Variants in SGCZ observed in about 807,000 individuals in gnomAD.
SGCZ encodes zeta-sarcoglycan.
A neutral mutation model predicts 41.3 loss-of-function variants in SGCZ; 40 were observed. That is an observed-to-expected ratio of 0.97 (90% CI 0.75 to 1.26). The LOEUF (loss-of-function observed/expected upper bound fraction) is 1.26, where lower values mean the gene tolerates loss of function less well. Ranked by LOEUF, SGCZ falls within the 50% of genes most tolerant of loss-of-function variation. The pLI is 0.00. For missense variants in SGCZ, 552 were observed against 369.8 expected (o/e 1.49, Z -4.04); for synonymous variants, 206 against 137.5 (o/e 1.50, Z -3.49).
chr8:15,109,620 T>C (rs1806969208), intron 1 of SGCZ, among the ~76,000 whole-genome samples: 2 of 152,140 alleles, frequency 1.3e-5, no homozygotes, highest in Non-Finnish European at 2.9e-5. Context: ...AAATCTAAGT[T>C]GGTTAAACTT....
At chr8:15,111,463 G>A (rs896491376) in intron 1 of SGCZ, among the ~76,000 whole-genome samples, 15 of 152,100 alleles carry the variant, frequency 9.9e-5, no homozygotes, top group African/African-American at 2.9e-4. Flanking sequence ...CTCAAGCCAC[G>A]GGCCAAATCC....
chr8:15,164,987 G>A (rs777942814), intron 1 of SGCZ, among the ~76,000 whole-genome samples: 1 of 152,064 alleles, frequency 6.6e-6, no homozygotes, highest in Non-Finnish European at 1.5e-5. Flanking sequence ...ACTGTGTGAT[G>A]TGTGTCAAAA....
At position 14,088,199 on chromosome 8, in the gene SGCZ, G is replaced by C. The variant is rs1420091437; in HGVS notation, c.*2244C>G. 6.6e-6 allele frequency among the ~76,000 whole-genome samples: 1 copy of C among 151,528 alleles called. No individual in the cohort carries two copies. Among genetic ancestry groups the C allele is most frequent in the Non-Finnish European group, 1.5e-5 (1 of 67,746 alleles). On this transcript the variant is annotated 3_prime_UTR_variant, in exon 8 of 8. Transcript: ENST00000382080. ...AAATTAGAACATGTTGGAACAGAAA[G>C]GAACCCCAAGAGACTATTTTATTCA... is the stretch of plus-strand genomic sequence containing the variant.
chr8:15,201,868 G>C (rs1455129413), intron 1 of SGCZ, among the ~76,000 whole-genome samples: 1 of 152,120 alleles, frequency 6.6e-6, no homozygotes, highest in Non-Finnish European at 1.5e-5. Context: ...AAGAAAGAGT[G>C]ACTATCTATA....
intron 2 of SGCZ, among the ~76,000 whole-genome samples, chr8:14,427,251 A>G (rs1411298015): frequency 6.6e-6 from 1 of 152,156 alleles, no homozygotes; most frequent in Non-Finnish European, 1.5e-5. Context: ...TAGTACATGG[A>G]TGAGGAAATA....
intron 1 of SGCZ, among the ~76,000 whole-genome samples, chr8:14,955,658 A>G (rs890420529): frequency 3.9e-5 from 6 of 152,218 alleles, no homozygotes; most frequent in Non-Finnish European, 8.8e-5. Flanking sequence ...TTGATTTTCA[A>G]ATATTTAATT....
At chr8:14,741,137 T>A (rs748755590) in intron 1 of SGCZ, among the ~76,000 whole-genome samples, 31 of 152,056 alleles carry the variant, frequency 2.0e-4, no homozygotes, top group Non-Finnish European at 3.4e-4. Context: ...CTAAAGCTTG[T>A]GTATTTAACT....
intron 1 of SGCZ, among the ~76,000 whole-genome samples, chr8:14,956,746 G>T (rs1800806166): frequency 6.6e-6 from 1 of 152,120 alleles, no homozygotes; most frequent in South Asian, 2.1e-4. Flanking sequence ...TTTGTTGTTT[G>T]TAAAATATTT....
intron 1 of SGCZ, among the ~76,000 whole-genome samples, chr8:15,156,870 A>G (rs1192271035): frequency 6.6e-6 from 1 of 151,274 alleles, no homozygotes; most frequent in Admixed American, 6.6e-5. Flanking sequence ...GCTTGAACCC[A>G]GGAGACGGAG....
chr8:14,790,359 G>A (rs930017249), intron 1 of SGCZ, among the ~76,000 whole-genome samples: 3 of 152,134 alleles, frequency 2.0e-5, no homozygotes, highest in Admixed American at 2.0e-4. Context: ...CAATAATCTT[G>A]TCAATGAAAC....
intron 3 of SGCZ, among the ~76,000 whole-genome samples, chr8:14,278,259 T>A (rs1800302896): frequency 6.6e-6 from 1 of 152,200 alleles, no homozygotes; most frequent in Admixed American, 6.5e-5. Context: ...TCTTTGAGTG[T>A]CACATTTGTG....
intron 1 of SGCZ, among the ~76,000 whole-genome samples, chr8:14,784,985 ATAT>A (rs1362839162): frequency 2.8e-5 from 4 of 142,254 alleles, no homozygotes; most frequent in African/African-American, 1.0e-4. Context: ...TATTTTTTAT[ATAT>A]TATATATATA....
chr8:14,478,205 G>T (rs1278288676), intron 2 of SGCZ, among the ~76,000 whole-genome samples: 1 of 152,218 alleles, frequency 6.6e-6, no homozygotes, highest in East Asian at 1.9e-4. Context: ...TATACCCAAT[G>T]AAGTTAAAAA....
At chr8:14,346,034 C>T (rs1187937355) in intron 2 of SGCZ, among the ~76,000 whole-genome samples, 2 of 151,932 alleles carry the variant, frequency 1.3e-5, no homozygotes, top group Non-Finnish European at 2.9e-5. Flanking sequence ...TGTCAAACCC[C>T]CTAGAATATA....
intron 1 of SGCZ, among the ~76,000 whole-genome samples, chr8:15,077,405 A>G (rs1029700854): frequency 2.6e-5 from 4 of 152,350 alleles, no homozygotes; most frequent in Admixed American, 6.5e-5. Flanking sequence ...ATAAACTAAG[A>G]AAAGTAAGAA....
chr8:14,572,009 A>G (rs770935382), intron 1 of SGCZ, among the ~76,000 whole-genome samples: 4 of 152,232 alleles, frequency 2.6e-5, no homozygotes, highest in Admixed American at 6.5e-5. Flanking sequence ...ATACTTAAAA[A>G]TTTGAAAGAG....
At chr8:14,691,261 C>T (rs1246510544) in intron 1 of SGCZ, among the ~76,000 whole-genome samples, 2 of 152,110 alleles carry the variant, frequency 1.3e-5, no homozygotes, top group East Asian at 3.9e-4. Flanking sequence ...ATACAGACTA[C>T]GTACTCCTGT....
intron 5 of SGCZ, among the ~76,000 whole-genome samples, chr8:14,111,023 T>A (rs1410572478): frequency 6.6e-6 from 1 of 151,878 alleles, no homozygotes; most frequent in East Asian, 1.9e-4. Flanking sequence ...CACTGCATTC[T>A]AGCCTGGGCA....
chr8:15,056,023 G>T (rs1307395815), intron 1 of SGCZ, among the ~76,000 whole-genome samples: 1 of 152,114 alleles, frequency 6.6e-6, no homozygotes, highest in Non-Finnish European at 1.5e-5. Flanking sequence ...ATATCCTCCT[G>T]CTGTTCATTT....
Sources: gnomAD v4.1 joint callset for allele counts (sites outside exome capture counted in the v4.1 genomes callset) on GRCh38, gnomAD v4.1.1 for gene constraint, MANE v1.5 for transcripts, NCBI Gene and HGNC (gene_info 2026-07-23, HGNC 2026-07-21) for gene names.